ARSJ: variants seen among roughly 807,000 people sequenced by gnomAD.
ARSJ encodes arylsulfatase J.
ARSJ carries 26 observed loss-of-function variants against 35.9 expected under a neutral mutation model. That is an observed-to-expected ratio of 0.72 (90% CI 0.53 to 1.00). ARSJ has a LOEUF of 1.00. Among genes scored for constraint, ARSJ ranks in the 50% least tolerant of loss-of-function variants. The pLI, the probability that ARSJ is intolerant of heterozygous loss-of-function variation, is 0.00. For synonymous variants in ARSJ, 294 were observed against 267.6 expected (o/e 1.10, Z -0.96); for missense variants, 667 against 723.6 (o/e 0.92, Z 0.90).
intron 1 of ARSJ, among the ~76,000 whole-genome samples, chr4:113,921,447 T>C (rs569546019): frequency 6.6e-6 from 1 of 152,258 alleles, no homozygotes; most frequent in South Asian, 2.1e-4. Flanking sequence ...TGTTTTAACG[T>C]TGACTGAGAA....
At chr4:113,921,342 T>C (rs1400558513) in intron 1 of ARSJ, among the ~76,000 whole-genome samples, 1 of 152,116 alleles carries the variant, frequency 6.6e-6, no homozygotes, top group Admixed American at 6.6e-5. Flanking sequence ...TGGGGTGGGA[T>C]GTGTGTTAGT....
chr4:113,920,337 T>C (rs181593214), intron 1 of ARSJ, among the ~76,000 whole-genome samples: 1 of 152,184 alleles, frequency 6.6e-6, no homozygotes, highest in Admixed American at 6.5e-5. Flanking sequence ...AACACAACGG[T>C]AAAAGTAAAA....
At chr4:113,941,650 A>C (rs528338644) in intron 1 of ARSJ, among the ~76,000 whole-genome samples, 1 of 129,216 alleles carries the variant, frequency 7.7e-6, no homozygotes, top group South Asian at 2.4e-4. Context: ...TAAGGCACCA[A>C]ATGAAACTCT....
chr4:113,950,777 G>T (rs1344087168), intron 1 of ARSJ, among the ~76,000 whole-genome samples: 1 of 151,984 alleles, frequency 6.6e-6, no homozygotes, highest in African/African-American at 2.4e-5. Context: ...CACATTAAGA[G>T]CGTATGCTTT....
At chr4:113,928,402 T>G (rs1272308122) in intron 1 of ARSJ, among the ~76,000 whole-genome samples, 1 of 152,162 alleles carries the variant, frequency 6.6e-6, no homozygotes, top group Non-Finnish European at 1.5e-5. Context: ...GGAAATTGAT[T>G]GAGGAGCTGT....
chr4:113,932,201 C>A (rs956117196), intron 1 of ARSJ, among the ~76,000 whole-genome samples: 1 of 152,062 alleles, frequency 6.6e-6, no homozygotes, highest in South Asian at 2.1e-4. Context: ...AACACCAGAG[C>A]TCCCATGTAT....
intron 1 of ARSJ, among the ~76,000 whole-genome samples, chr4:113,938,405 C>G (rs566811504): frequency 3.3e-5 from 5 of 152,236 alleles, no homozygotes; most frequent in African/African-American, 1.2e-4. Flanking sequence ...GGATTAAAGA[C>G]TTAAGTGTAA....
chr4:113,927,273 C>T (rs1724130717), intron 1 of ARSJ, among the ~76,000 whole-genome samples: 1 of 152,138 alleles, frequency 6.6e-6, no homozygotes, highest in Non-Finnish European at 1.5e-5. Flanking sequence ...CACCACTGGA[C>T]CCATAGAAAT....
At chr4:113,923,537 T>C (rs1352815867) in intron 1 of ARSJ, among the ~76,000 whole-genome samples, 1 of 152,156 alleles carries the variant, frequency 6.6e-6, no homozygotes, top group Non-Finnish European at 1.5e-5. Flanking sequence ...ATTTTCTCTA[T>C]TGCTCAATAA....
intron 1 of ARSJ, among the ~76,000 whole-genome samples, chr4:113,942,505 T>C (rs186443312): frequency 2.0e-5 from 3 of 152,168 alleles, no homozygotes; most frequent in Admixed American, 2.0e-4. Flanking sequence ...TAGGACTTCA[T>C]TTGGAATAAA....
chr4:113,943,905 A>G (rs1232499878), intron 1 of ARSJ, among the ~76,000 whole-genome samples: 1 of 152,028 alleles, frequency 6.6e-6, no homozygotes, highest in Non-Finnish European at 1.5e-5. Context: ...CAGGCATGAG[A>G]GTATGTCATG....
chr4:113,973,955 G>A (rs1594524800), intron 1 of ARSJ, among the ~76,000 whole-genome samples: 1 of 152,240 alleles, frequency 6.6e-6, no homozygotes. Context: ...CGAAAACAAT[G>A]AGAATTGGAA....
chr4:113,941,077 C>A (rs900830058), intron 1 of ARSJ, among the ~76,000 whole-genome samples: 1 of 151,980 alleles, frequency 6.6e-6, no homozygotes, highest in South Asian at 2.1e-4. Context: ...TATAGCTAAA[C>A]TTCTGCACTC....
At chr4:113,945,520 T>C (rs538829547) in intron 1 of ARSJ, among the ~76,000 whole-genome samples, 1 of 152,154 alleles carries the variant, frequency 6.6e-6, no homozygotes, top group African/African-American at 2.4e-5. Context: ...ATAGTTAGGA[T>C]CAAAATTGAT....
chr4:113,965,377 C>T (rs1726826472), intron 1 of ARSJ, among the ~76,000 whole-genome samples: 2 of 151,950 alleles, frequency 1.3e-5, no homozygotes, highest in Non-Finnish European at 2.9e-5. Context: ...GATAACAAAC[C>T]CATCCTGTCA....
Position 113,902,259 on chromosome 4 carries a change from A to G in ARSJ, c.*15T>C. On this transcript the variant is annotated 3_prime_UTR_variant, in exon 2 of 2. Coordinates refer to ENST00000315366, the MANE Select transcript of ARSJ (RefSeq NM_024590.4). Reference sequence around the variant, plus strand: ...AGAACTGATTAAAGTTTAACCAAACAGGAAATATTTGTGCTTATCCACAAG... The same window carrying G: ...AGAACTGATTAAAGTTTAACCAAACGGGAAATATTTGTGCTTATCCACAAG... The G allele has an allele frequency of 6.2e-7, 1 of 1,606,650 alleles. No homozygotes were observed. The highest frequency in any genetic ancestry group is 1.3e-5 in the African/African-American group (1 of 75,074).
chr4:113,910,054 A>C (rs2099669970), intron 1 of ARSJ, among the ~76,000 whole-genome samples: 2 of 152,156 alleles, frequency 1.3e-5, no homozygotes, highest in Admixed American at 1.3e-4. Context: ...ATAATTTTGA[A>C]ATTTAGTAAG....
intron 1 of ARSJ, among the ~76,000 whole-genome samples, chr4:113,908,945 A>G (rs1384436607): frequency 6.6e-6 from 1 of 152,054 alleles, no homozygotes; most frequent in African/African-American, 2.4e-5. Flanking sequence ...TTTAGAAAAG[A>G]ATTTTTCTAA....
chr4:113,924,069 AT>A, intron 1 of ARSJ, among the ~76,000 whole-genome samples: 1 of 116,906 alleles, frequency 8.6e-6, no homozygotes, highest in Non-Finnish European at 1.7e-5. Flanking sequence ...ATATATAAAT[AT>A]ATATAAATAT....
Sources: allele counts gnomAD v4.1 joint callset (sites outside exome capture counted in the v4.1 genomes callset), GRCh38; gene constraint gnomAD v4.1.1; transcripts MANE v1.5; gene names NCBI Gene and HGNC (gene_info 2026-07-23, HGNC 2026-07-21).